The following EPHA6 variants were observed in gnomAD, a reference collection of about 807,000 sequenced individuals.
EPHA6 encodes ephrin type-A receptor 6.
In EPHA6, 50 loss-of-function variants were observed where a neutral mutation model predicts 112.0. The observed-to-expected ratio is 0.45, with a 90% CI of 0.36 to 0.56. The LOEUF is 0.56. EPHA6 is among the 20% of genes least tolerant of loss of function. The pLI, the probability that EPHA6 is intolerant of heterozygous loss-of-function variation, is 0.00. For missense variants in EPHA6, 1,280 were observed against 1,417.4 expected (o/e 0.90, Z 1.56); for synonymous variants, 529 against 490.7 (o/e 1.08, Z -1.03).
chr3:96,898,970 G>A (rs1161839123), intron 2 of EPHA6, among the ~76,000 whole-genome samples: 4 of 151,390 alleles, frequency 2.6e-5, no homozygotes, highest in African/African-American at 9.7e-5. Context: ...GGAGCTTGCA[G>A]TGAGTTGAGA....
intron 3 of EPHA6, among the ~76,000 whole-genome samples, chr3:97,142,641 A>C (rs1237835453): frequency 6.6e-6 from 1 of 151,922 alleles, no homozygotes; most frequent in Non-Finnish European, 1.5e-5. Context: ...TGAACAAACC[A>C]ATAATAAGTA....
intron 1 of EPHA6, among the ~76,000 whole-genome samples, chr3:96,860,070 C>T (rs1240183567): frequency 1.3e-5 from 2 of 152,032 alleles, no homozygotes; most frequent in African/African-American, 2.4e-5. Context: ...TATCCTATAG[C>T]GTCCAATATA....
intron 13 of EPHA6, among the ~76,000 whole-genome samples, chr3:97,620,413 A>G (rs1003686473): frequency 2.6e-5 from 4 of 152,090 alleles, no homozygotes; most frequent in Non-Finnish European, 5.9e-5. Context: ...AAAAATGGAC[A>G]AATAGAATCT....
chr3:97,488,696 C>T (rs2091759541), intron 10 of EPHA6, among the ~76,000 whole-genome samples: 2 of 152,104 alleles, frequency 1.3e-5, no homozygotes, highest in African/African-American at 4.8e-5. Context: ...GTTTATGGCT[C>T]ATTTTCTCTA....
chr3:97,240,332 A>T (rs2078807258), intron 4 of EPHA6, among the ~76,000 whole-genome samples: 1 of 151,900 alleles, frequency 6.6e-6, no homozygotes, highest in African/African-American at 2.4e-5. Flanking sequence ...ACTCAGAAAT[A>T]TGAATAAATT....
At chr3:97,145,959 T>C (rs1259909212) in intron 3 of EPHA6, among the ~76,000 whole-genome samples, 1 of 151,596 alleles carries the variant, frequency 6.6e-6, no homozygotes, top group Non-Finnish European at 1.5e-5. Context: ...TCTTAATATT[T>C]TTAAATTGGT....
chr3:97,185,044 C>T (rs1229977343), intron 3 of EPHA6, among the ~76,000 whole-genome samples: 4 of 152,160 alleles, frequency 2.6e-5, no homozygotes, highest in African/African-American at 9.7e-5. Context: ...CCCTTCCTTA[C>T]ACCTTATACA....
intron 3 of EPHA6, among the ~76,000 whole-genome samples, chr3:97,107,860 A>G (rs2047613786): frequency 6.6e-6 from 1 of 152,100 alleles, no homozygotes; most frequent in Non-Finnish European, 1.5e-5. Flanking sequence ...CCTCAAATAG[A>G]TTTTTAAGTT....
chr3:97,386,694 T>C (rs2086089750), intron 5 of EPHA6, among the ~76,000 whole-genome samples: 1 of 152,194 alleles, frequency 6.6e-6, no homozygotes. Flanking sequence ...GGTGGCCCAC[T>C]TCTCACAGCT....
intron 12 of EPHA6, among the ~76,000 whole-genome samples, chr3:97,602,822 A>T (rs1198073781): frequency 6.6e-6 from 1 of 152,062 alleles, no homozygotes; most frequent in East Asian, 1.9e-4. Context: ...ACCAAGAACT[A>T]AAGCAGCATA....
chr3:97,615,177 G>A (rs2093754894), intron 13 of EPHA6, among the ~76,000 whole-genome samples: 1 of 152,146 alleles, frequency 6.6e-6, no homozygotes, highest in African/African-American at 2.4e-5. Flanking sequence ...CCTACCCTGG[G>A]AAGCAGTTAG....
At chr3:97,023,560 T>C (rs1016540225) in intron 3 of EPHA6, among the ~76,000 whole-genome samples, 10 of 152,112 alleles carry the variant, frequency 6.6e-5, no homozygotes, top group African/African-American at 2.2e-4. Flanking sequence ...TACTTAGTTA[T>C]ATGTTAGATA....
chr3:97,455,538 C>T (rs1177429940), intron 7 of EPHA6, among the ~76,000 whole-genome samples: 1 of 151,986 alleles, frequency 6.6e-6, no homozygotes, highest in Non-Finnish European at 1.5e-5. Context: ...TAATTTTCTA[C>T]ATGACTATTT....
At chr3:97,604,800 C>CTAATTTAGGATTAACAATATAACAA (rs2093668541) in intron 12 of EPHA6, among the ~76,000 whole-genome samples, 1 of 151,562 alleles carries the variant, frequency 6.6e-6, no homozygotes, top group Admixed American at 6.6e-5. Context: ...GATAATATAA[C>CTAATTTAGGATTAACAATATAACAA]TAATTTAGGA....
intron 3 of EPHA6, among the ~76,000 whole-genome samples, chr3:97,159,115 G>A (rs187734362): frequency 6.6e-4 from 100 of 152,142 alleles, no homozygotes; most frequent in African/African-American, 2.2e-3. Context: ...GCCTGGATTA[G>A]GTTAATGTTG....
chr3:97,111,854 C>T (rs143315121), intron 3 of EPHA6, among the ~76,000 whole-genome samples: 2 of 152,230 alleles, frequency 1.3e-5, no homozygotes, highest in East Asian at 3.9e-4. Context: ...ACTTCAGGAA[C>T]GTTCTCATGC....
At chr3:97,380,162 C>T (rs1265516946) in intron 5 of EPHA6, among the ~76,000 whole-genome samples, 1 of 152,094 alleles carries the variant, frequency 6.6e-6, no homozygotes, top group African/African-American at 2.4e-5. Context: ...AAAAGATTTT[C>T]TGCATTAATG....
At chr3:97,389,978 GAAC>G (rs1335056786) in intron 5 of EPHA6, among the ~76,000 whole-genome samples, 3 of 152,030 alleles carry the variant, frequency 2.0e-5, no homozygotes, top group Non-Finnish European at 4.4e-5. Flanking sequence ...AGTGATTTGT[GAAC>G]AACAATTACT....
chr3:97,403,595 T>C (rs1463839502), intron 5 of EPHA6, among the ~76,000 whole-genome samples: 6 of 152,224 alleles, frequency 3.9e-5, no homozygotes, highest in South Asian at 2.1e-4. Flanking sequence ...TACAGGCGCC[T>C]GCCACCATGC....
Sources: gnomAD v4.1 joint callset for allele counts (sites outside exome capture counted in the v4.1 genomes callset) on GRCh38, gnomAD v4.1.1 for gene constraint, MANE v1.5 for transcripts, NCBI Gene and HGNC (gene_info 2026-07-23, HGNC 2026-07-21) for gene names.